SVIL: variants seen among roughly 807,000 people sequenced by gnomAD.
SVIL encodes supervillin.
Under a neutral mutation model 240.4 loss-of-function variants are expected in SVIL, and 101 were observed. That is an observed-to-expected ratio of 0.42 (90% confidence interval 0.36 to 0.50). SVIL has a LOEUF of 0.50. Among genes scored for constraint, SVIL ranks in the 20% least tolerant of loss-of-function variants. The pLI is 0.01. For synonymous variants in SVIL, 999 were observed against 1,100.0 expected (o/e 0.91, Z 1.82); for missense variants, 2,512 against 2,818.7 (o/e 0.89, Z 2.46).
Position 29,462,384 on chromosome 10 carries a change from G to A in SVIL, c.6295C>T (p.Pro2099Ser). ...QYCKGKNLKKPAPKSYLIHAG... is the reference protein window; with the variant it reads ...QYCKGKNLKKSAPKSYLIHAG... Reference sequence around the variant, plus strand: ...TGGATAAGGTAAGACTTGGGGGCTGGTTTCTTGAGATTTTTTCCTGTAGTT... The same window carrying A: ...TGGATAAGGTAAGACTTGGGGGCTGATTTCTTGAGATTTTTTCCTGTAGTT... The change falls in exon 36 of 38, where the codon CCA (proline) becomes TCA (serine). Residue 2099 changes from proline (P) to serine (S), a missense_variant. Physicochemically the swap from Pro to Ser is moderately conservative, Grantham distance 74. Transcript: ENST00000355867. 6.2e-7 allele frequency: 1 copy of A among 1,614,112 alleles called. No homozygotes were observed. The highest frequency in any genetic ancestry group is 8.5e-7 in the Non-Finnish European group (1 of 1,180,004).
chr10:29,636,440 T>C (rs888570297), upstream of SVIL, among the ~76,000 whole-genome samples: 3 of 152,218 alleles, frequency 2.0e-5, no homozygotes, highest in African/African-American at 7.2e-5. Flanking sequence ...TCCCACAAAA[T>C]AAACATCAGT....
intron 2 of SVIL, among the ~76,000 whole-genome samples, chr10:29,565,308 A>G (rs1954880636): frequency 6.6e-6 from 1 of 152,218 alleles, no homozygotes; most frequent in African/African-American, 2.4e-5. Flanking sequence ...TCATCACCGG[A>G]CACTCCCTGG....
chr10:29,498,088 C>CAAAAAAAAAAAAAAAA (rs34280398), intron 18 of SVIL, among the ~76,000 whole-genome samples: 2 of 37,482 alleles, frequency 5.3e-5, no homozygotes, highest in Non-Finnish European at 6.8e-5. Flanking sequence ...TCCCCTCCAC[C>CAAAAAAAAAAAAAAAA]AAAAAAAAAA....
At chr10:29,482,584 A>G (rs968099594) in intron 27 of SVIL, among the ~76,000 whole-genome samples, 2 of 151,258 alleles carry the variant, frequency 1.3e-5, no homozygotes, top group African/African-American at 2.4e-5. Context: ...ACACACTTTC[A>G]TAGATCTTGA....
chr10:29,556,740 T>C (rs1348079060), intron 3 of SVIL, among the ~76,000 whole-genome samples: 1 of 152,192 alleles, frequency 6.6e-6, no homozygotes, highest in Non-Finnish European at 1.5e-5. Context: ...CCATGCGGCC[T>C]TGGGAGAGGA....
At chr10:29,481,543 C>G in intron 28 of SVIL, 41 bp downstream of exon 28, 1 of 1,610,916 alleles carries the variant, frequency 6.2e-7, no homozygotes, top group Non-Finnish European at 8.5e-7. Context: ...TATTGGGACC[C>G]GAACCAAGCC....
intron 2 of SVIL, among the ~76,000 whole-genome samples, chr10:29,679,718 G>A (rs986395013): frequency 2.0e-5 from 3 of 151,372 alleles, no homozygotes; most frequent in Non-Finnish European, 4.4e-5. Context: ...ACCATGCCCC[G>A]CCAAGCCAGC....
chr10:29,459,833 G>A (rs1944025742), intron 36 of SVIL, among the ~76,000 whole-genome samples: 2 of 152,168 alleles, frequency 1.3e-5, no homozygotes, highest in South Asian at 4.1e-4. Context: ...ACTTGTGCCT[G>A]TAATCTCAAC....
Position 29,498,842 on chromosome 10 carries a change from A to G in SVIL, c.3664+274T>C, listed in dbSNP as rs149578998. On this transcript the variant is annotated intron_variant, in intron 18 of 37. Transcript: ENST00000355867. ...CATAAAAATTTTTAAAAAGCCAAGC[A>G]TGGTTTTGCACACCTATAATCCCAG... 3.1e-3 allele frequency among the ~76,000 whole-genome samples: 479 copies of G among 152,286 alleles called. 2 individuals are homozygous for G. The highest frequency in any genetic ancestry group is 0.011 in the African/African-American group (456 of 41,542).
In SVIL at chr10:29,495,067, C is replaced by A. The variant is rs200716062; in HGVS notation, c.3754+25G>T. 1,982 of 1,597,814 alleles carry A rather than the reference C, an allele frequency of 1.2e-3. 5 individuals are homozygous for A. In the East Asian group the frequency reaches 0.015, roughly 12 times the overall value. ...CCTCTTCTGATCAGAAACTGCTTGGCGTGGCCGGGGCCTTGGCGACTTACC... is the reference window on the plus strand; with the variant it reads ...CCTCTTCTGATCAGAAACTGCTTGGAGTGGCCGGGGCCTTGGCGACTTACC... On this transcript the variant is annotated intron_variant, in intron 19 of 37. Transcript: ENST00000355867.
At chr10:29,566,344 C>T (rs1198649236) in intron 2 of SVIL, among the ~76,000 whole-genome samples, 2 of 152,192 alleles carry the variant, frequency 1.3e-5, no homozygotes, top group Non-Finnish European at 2.9e-5. Flanking sequence ...GCTGTCATCA[C>T]CCTCTGGTCC....
intron 3 of SVIL, among the ~76,000 whole-genome samples, chr10:29,651,475 C>G (rs1958832697): frequency 6.6e-6 from 1 of 152,138 alleles, no homozygotes; most frequent in South Asian, 2.1e-4. Flanking sequence ...CTATGACTAC[C>G]TCTCGGTAGG....
chr10:29,464,158 C>T (rs1160856205), intron 34 of SVIL, among the ~76,000 whole-genome samples: 3 of 152,124 alleles, frequency 2.0e-5, no homozygotes, highest in East Asian at 1.9e-4. Context: ...AAACTGCCAC[C>T]GGGAGTGGTG....
rs183538732 is a variant in SVIL, at chr10:29,550,148, G to T, written c.827+449C>A. On this transcript the variant is annotated intron_variant, in intron 6 of 37. Transcript: ENST00000355867. ...CTGTTTTGATATGGCTGAAATGTAAGAATCTTAGGCCAGGTACGGTGGCTC... is the reference window on the plus strand; with the variant it reads ...CTGTTTTGATATGGCTGAAATGTAATAATCTTAGGCCAGGTACGGTGGCTC... Among the ~76,000 whole-genome samples, 24 of 151,494 alleles carry T rather than the reference G, an allele frequency of 1.6e-4. No homozygotes were observed. In the East Asian group the frequency reaches 4.1e-3, roughly 26 times the overall value.
intron 3 of SVIL, among the ~76,000 whole-genome samples, chr10:29,646,564 C>A (rs935039683): frequency 6.6e-6 from 1 of 152,164 alleles, no homozygotes; most frequent in Non-Finnish European, 1.5e-5. Context: ...CAAGTTCAGT[C>A]CTTTCTCCCC....
In SVIL at chr10:29,499,548, C is replaced by A. The variant is rs150710300; in HGVS notation, c.3517-285G>T. Among the ~76,000 whole-genome samples the A allele has an allele frequency of 3.3e-3, 498 of 152,238 alleles. 2 individuals are homozygous for A. Among genetic ancestry groups the A allele is most frequent in the African/African-American group, 0.011 (461 of 41,488 alleles). ...CAGAACAATCCTTTGTAAGCACAAA[C>A]AATTAAAAATAGATTGTTTTCATGC... On this transcript the variant is annotated intron_variant, in intron 17 of 37. Transcript: ENST00000355867.
chr10:29,636,025 T>A (rs1958298001), upstream of SVIL, among the ~76,000 whole-genome samples: 1 of 152,010 alleles, frequency 6.6e-6, no homozygotes, highest in Admixed American at 6.6e-5. Flanking sequence ...TGAGGCCAGG[T>A]GAAAAGATGA....
chr10:29,670,553 T>A (rs1287432205), intron 2 of SVIL, among the ~76,000 whole-genome samples: 1 of 152,214 alleles, frequency 6.6e-6, no homozygotes, highest in Non-Finnish European at 1.5e-5. Context: ...CATGTTAAAG[T>A]CTTTTGTGTA....
At chr10:29,580,427 G>C (rs1034796939) in intron 1 of SVIL, among the ~76,000 whole-genome samples, 3 of 152,146 alleles carry the variant, frequency 2.0e-5, no homozygotes, top group Non-Finnish European at 1.5e-5. Flanking sequence ...AAATAGGATG[G>C]TGAGGTCAGG....
Sources: gnomAD v4.1 joint callset for allele counts (sites outside exome capture counted in the v4.1 genomes callset) on GRCh38, gnomAD v4.1.1 for gene constraint, MANE v1.5 for transcripts, NCBI Gene and HGNC (gene_info 2026-07-23, HGNC 2026-07-21) for gene names.